The following MGAT5 variants were observed in gnomAD, a reference collection of about 807,000 sequenced individuals.
MGAT5 encodes the protein alpha-1,6-mannosylglycoprotein 6-beta-N-acetylglucosaminyltransferase A.
MGAT5 carries 30 observed loss-of-function variants against 94.3 expected under a neutral mutation model. The ratio of observed to expected loss-of-function variants is 0.32; its 90% CI spans 0.24 to 0.43. The LOEUF is 0.43. Ranked by LOEUF, MGAT5 falls within the 20% of genes least tolerant of loss-of-function variation. MGAT5 has a pLI of 1.00. For missense variants in MGAT5, 691 were observed against 905.5 expected (o/e 0.76, Z 3.04); for synonymous variants, 310 against 322.9 (o/e 0.96, Z 0.43).
chr2:134,294,147 A>C (rs1468992476), intron 2 of MGAT5, among the ~76,000 whole-genome samples: 1 of 152,128 alleles, frequency 6.6e-6, no homozygotes, highest in East Asian at 1.9e-4. Flanking sequence ...GTTTTATTCT[A>C]CCTTCCAGGG....
intron 12 of MGAT5, 26 bp from the exon 13 acceptor site, chr2:134,422,777 G>T: frequency 6.3e-7 from 1 of 1,579,864 alleles, no homozygotes; most frequent in South Asian, 1.1e-5. Flanking sequence ...TTGCTTGTGA[G>T]ACTGAGGTGT....
rs113582076 is a variant in MGAT5, at chr2:134,189,592, G to GTTTTTTTT, written c.-142-64668_-142-64661dup. ...ACATATGACTAACCTCATGGCTCTA[G>GTTTTTTTT]TTTTTTTTTGTTTTTTTTTTTTTTT... On this transcript the variant is annotated intron_variant, in intron 1 of 16. Transcript: ENST00000409645. Among the ~76,000 whole-genome samples the GTTTTTTTT allele has an allele frequency of 9.2e-4, 52 of 56,250 alleles. 4 individuals carry two copies. The highest frequency in any genetic ancestry group is 2.5e-3 in the African/African-American group (40 of 16,074). 36.9% of individuals were successfully genotyped at this position (56,250 alleles called of 152,430 possible). A position where few individuals can be genotyped will look rare whatever the true frequency, so the allele number is the denominator to read the frequency against.
chr2:134,304,152 C>G (rs1686192017), intron 2 of MGAT5, among the ~76,000 whole-genome samples: 1 of 152,196 alleles, frequency 6.6e-6, no homozygotes, highest in South Asian at 2.1e-4. Flanking sequence ...GTGCTCTGGG[C>G]TGGGAAGCTG....
intron 10 of MGAT5, among the ~76,000 whole-genome samples, chr2:134,384,955 C>T (rs1017049668): frequency 7.9e-5 from 12 of 152,148 alleles, no homozygotes; most frequent in Non-Finnish European, 1.5e-4. Flanking sequence ...GGGTAAGATG[C>T]ACCTGACCTT....
intron 1 of MGAT5, among the ~76,000 whole-genome samples, chr2:134,262,828 G>A (rs373662362): frequency 1.3e-5 from 2 of 152,232 alleles, no homozygotes; most frequent in Non-Finnish European, 2.9e-5. Context: ...TCAGCAACCT[G>A]TTTATGTAGC....
intron 8 of MGAT5, among the ~76,000 whole-genome samples, chr2:134,345,569 T>C (rs529062431): frequency 1.3e-5 from 2 of 152,332 alleles, no homozygotes; most frequent in South Asian, 2.1e-4. Flanking sequence ...GTGCAGTCTT[T>C]ATTATTTAGT....
Position 134,449,098 on chromosome 2 carries a change from A to C in MGAT5, c.*251A>C. 2 of 533,926 alleles carry C rather than the reference A, an allele frequency of 3.7e-6. No homozygotes were observed. The highest frequency in any genetic ancestry group is 6.7e-6 in the Non-Finnish European group (2 of 296,502). 33.1% of individuals were successfully genotyped at this position (533,926 alleles called of 1,614,324 possible). On this transcript the variant is annotated 3_prime_UTR_variant, in exon 16 of 16. Coordinates refer to ENST00000281923, the MANE Select transcript of MGAT5 (RefSeq NM_002410.5). ...TGGCACAACATCATTTCTGTTTCTC[A>C]AGGAGCAACTGTGGGAAGACTGTCA...
intron 1 of MGAT5, among the ~76,000 whole-genome samples, chr2:134,174,464 G>C (rs1335231172): frequency 6.6e-6 from 1 of 152,270 alleles, no homozygotes; most frequent in Admixed American, 6.5e-5. Flanking sequence ...GCACATAGCA[G>C]CATATGAGCT....
At chr2:134,233,515 A>G (rs1356195304) in intron 1 of MGAT5, among the ~76,000 whole-genome samples, 1 of 152,214 alleles carries the variant, frequency 6.6e-6, no homozygotes, top group African/African-American at 2.4e-5. Flanking sequence ...ATATGCTTAC[A>G]TCCTTTGAGA....
chr2:134,184,422 G>A (rs1303193612), intron 1 of MGAT5, among the ~76,000 whole-genome samples: 1 of 151,984 alleles, frequency 6.6e-6, no homozygotes, highest in Non-Finnish European at 1.5e-5. Context: ...TCTGCTCTGG[G>A]CATGTGCTCT....
At chr2:134,368,854 G>C (rs1377881322) in intron 10 of MGAT5, among the ~76,000 whole-genome samples, 1 of 152,062 alleles carries the variant, frequency 6.6e-6, no homozygotes, top group East Asian at 1.9e-4. Flanking sequence ...ATTCCACCAG[G>C]GGCCACCACC....
Position 134,129,864 on chromosome 2 carries a change from G to A in MGAT5, c.-143+9573G>A, listed in dbSNP as rs912597774. On this transcript the variant is annotated intron_variant, in intron 1 of 16. Transcript: ENST00000409645. ...CCACCGTTGAGCAGCCCTTCAGCCC[G>A]CCGCTGCACTGTGGGAGCCCCTCTC... 5.9e-5 allele frequency among the ~76,000 whole-genome samples: 9 copies of A among 152,158 alleles called. No homozygotes were observed. In the East Asian group the frequency reaches 9.6e-4, roughly 16 times the overall value.
chr2:134,410,605 C>T (rs1683592907), intron 11 of MGAT5, among the ~76,000 whole-genome samples: 1 of 152,134 alleles, frequency 6.6e-6, no homozygotes, highest in African/African-American at 2.4e-5. Flanking sequence ...ATAATTAAAC[C>T]TAGGTCACAT....
chr2:134,429,587 A>G (rs1023521262), intron 14 of MGAT5, among the ~76,000 whole-genome samples: 6 of 152,252 alleles, frequency 3.9e-5, no homozygotes, highest in African/African-American at 1.4e-4. Flanking sequence ...GAGCTAATAC[A>G]TACAAAGTGC....
rs763608726 is a variant in MGAT5, at chr2:134,264,017, G to GTTT, written c.242-6349_242-6347dup. ...ATACTGCATTTCCTTATGCCATTAG[G>GTTT]TTTTTTTTTTTTTTTTTTTTTTGAG... On this transcript the variant is annotated intron_variant, in intron 1 of 15. Coordinates refer to ENST00000281923, the MANE Select transcript of MGAT5 (RefSeq NM_002410.5). Among the ~76,000 whole-genome samples the GTTT allele has an allele frequency of 8.6e-3, 937 of 108,624 alleles. 34 individuals carry two copies. The highest frequency in any genetic ancestry group is 0.027 in the African/African-American group (687 of 25,752). The allele number at this position is 108,624 out of a possible 152,430, so 71.3% of individuals were successfully genotyped here.
chr2:134,416,048 T>G (rs1683939204), intron 12 of MGAT5, among the ~76,000 whole-genome samples: 1 of 152,174 alleles, frequency 6.6e-6, no homozygotes, highest in Non-Finnish European at 1.5e-5. Context: ...TAGATATTAT[T>G]TTTCCATGTT....
intron 7 of MGAT5, among the ~76,000 whole-genome samples, chr2:134,343,779 A>C (rs576998086): frequency 6.6e-6 from 1 of 152,272 alleles, no homozygotes; most frequent in South Asian, 2.1e-4. Flanking sequence ...CTTTTTTTGT[A>C]AATACAGTTT....
In MGAT5 at chr2:134,247,664, A is replaced by G. The variant is rs1251011746; in HGVS notation, c.-142-6598A>G. 6.6e-5 allele frequency among the ~76,000 whole-genome samples: 10 copies of G among 152,212 alleles called. No individual in the cohort carries two copies. The East Asian group carries it at 1.9e-3, about 29-fold the overall frequency. ...ATGAATCTTTGATGTTCTTTGGAGC[A>G]CAGTTTGAGAACCAATAACTCAGTT... On this transcript the variant is annotated intron_variant, in intron 1 of 16. Transcript: ENST00000409645.
chr2:134,355,925 T>C (rs911569598), intron 9 of MGAT5, among the ~76,000 whole-genome samples: 1 of 152,246 alleles, frequency 6.6e-6, no homozygotes, highest in African/African-American at 2.4e-5. Context: ...TATTTTTATA[T>C]CCTACAAAAA....
Sources: gnomAD v4.1 joint callset for allele counts (sites outside exome capture counted in the v4.1 genomes callset) on GRCh38, gnomAD v4.1.1 for gene constraint, MANE v1.5 for transcripts, NCBI Gene and HGNC (gene_info 2026-07-23, HGNC 2026-07-21) for gene names.